CEP192: variants seen among roughly 807,000 people sequenced by gnomAD.
CEP192 encodes the protein centrosomal protein 192, also known as centrosomal protein of 192 kDa.
Under a neutral mutation model 271.8 loss-of-function variants are expected in CEP192, and 151 were observed. The ratio of observed to expected loss-of-function variants is 0.56; its 90% CI spans 0.49 to 0.64. CEP192 has a LOEUF of 0.64. Among genes scored for constraint, CEP192 ranks in the 30% least tolerant of loss-of-function variants. The pLI is 0.00. For synonymous variants in CEP192, 995 were observed against 1,076.5 expected, an observed-to-expected ratio of 0.92 and a Z score of 1.48; for missense variants, 2,910 against 3,020.5, an observed-to-expected ratio of 0.96 and a Z score of 0.86.
intron 13 of CEP192, among the ~76,000 whole-genome samples, chr18:13,039,501 A>G (rs1170763368): frequency 1.3e-5 from 2 of 151,678 alleles, no homozygotes; most frequent in African/African-American, 4.9e-5. Flanking sequence ...AAGAAATAAG[A>G]CTTTTCCCTC....
intron 15 of CEP192, among the ~76,000 whole-genome samples, chr18:13,046,672 A>G (rs2036498688): frequency 6.6e-6 from 1 of 151,990 alleles, no homozygotes; most frequent in Admixed American, 6.5e-5. Context: ...CATTCCAAGG[A>G]TCACAAAATA....
Position 13,100,338 on chromosome 18 carries a change from A to G in CEP192, c.6697A>G (p.Thr2233Ala), listed in dbSNP as rs754446275. Residue 2233 changes from threonine (T) to alanine (A), a missense_variant, in exon 38 of 45, where the codon ACT becomes GCT. Thr to Ala is a moderately conservative substitution (Grantham distance 58, BLOSUM62 0). Coordinates refer to ENST00000506447, the MANE Select transcript of CEP192 (RefSeq NM_032142.4). ...GAAAGTTCAAATTCGAGAAGATTTA[A>G]CTCAAGTGGAACTTTTAACTCGTTT... The part of the protein sequence containing the change: ...IVKVQIREDL[T>A]QVELLTRLTS... 3 of 1,614,074 alleles carry G rather than the reference A, an allele frequency of 1.9e-6. No homozygotes were observed. The highest frequency in any genetic ancestry group is 2.5e-6 in the Non-Finnish European group (3 of 1,179,944).
Position 13,074,119 on chromosome 18 carries a change from G to C in CEP192, c.5616+934G>C, listed in dbSNP as rs112778894. On this transcript the variant is annotated intron_variant, in intron 30 of 44. Coordinates refer to ENST00000506447, the MANE Select transcript of CEP192 (RefSeq NM_032142.4). ...TATAACTGCACAGGTGTTTGGCAGTGGGGCTGGGGCTCAAATTTTTGTTCT... is the reference window on the plus strand; with the variant it reads ...TATAACTGCACAGGTGTTTGGCAGTCGGGCTGGGGCTCAAATTTTTGTTCT... Among the ~76,000 whole-genome samples the C allele has an allele frequency of 2.4e-3, 370 of 152,226 alleles. 1 individual carries two copies. The highest frequency in any genetic ancestry group is 8.7e-3 in the African/African-American group (360 of 41,482).
rs11873197 is a variant in CEP192 at position 13,004,901 on chromosome 18, A to G, written c.290+3319A>G. On this transcript the variant is annotated intron_variant, in intron 3 of 44. Coordinates refer to ENST00000506447, the MANE Select transcript of CEP192 (RefSeq NM_032142.4). Reference sequence around the variant, plus strand: ...GAGGGACAAGGTTGCTGAGGATGTAAGATTGGCCATGTAAGATTGGCTTTA... The same window carrying G: ...GAGGGACAAGGTTGCTGAGGATGTAGGATTGGCCATGTAAGATTGGCTTTA... 8.3e-3 allele frequency among the ~76,000 whole-genome samples: 1,266 copies of G among 152,212 alleles called. 8 individuals are homozygous for G. The highest frequency in any genetic ancestry group is 0.014 in the African/African-American group (586 of 41,524).
At chr18:13,113,853 G>A in intron 41 of CEP192, 148 bp downstream of exon 41, 2 of 842,780 alleles carry the variant, frequency 2.4e-6, no homozygotes, top group Non-Finnish European at 3.6e-6. Flanking sequence ...CATGTTTGAG[G>A]ACTGGATTTG....
At chr18:13,086,394 T>C in intron 30 of CEP192, among the ~76,000 whole-genome samples, 1 of 152,216 alleles carries the variant, frequency 6.6e-6, no homozygotes, top group East Asian at 1.9e-4. Context: ...CCTGATTGCC[T>C]TGGCCAAAAC....
At chr18:13,004,763 G>A (rs1568265578) in intron 3 of CEP192, among the ~76,000 whole-genome samples, 2 of 152,214 alleles carry the variant, frequency 1.3e-5, no homozygotes, top group Non-Finnish European at 2.9e-5. Flanking sequence ...GGCCGTGGGC[G>A]TGACTGTTGA....
chr18:13,054,159 G>C (rs1052031932), intron 18 of CEP192, among the ~76,000 whole-genome samples: 1 of 152,170 alleles, frequency 6.6e-6, no homozygotes, highest in South Asian at 2.1e-4. Flanking sequence ...CACTCCAACA[G>C]CAATGAGGAA....
intron 1 of CEP192, among the ~76,000 whole-genome samples, chr18:12,998,675 A>ATT (rs200488211): frequency 2.0e-5 from 3 of 151,718 alleles, no homozygotes; most frequent in African/African-American, 7.3e-5. Flanking sequence ...ATATCCTCTC[A>ATT]TTTTTTTTAG....
intron 3 of CEP192, among the ~76,000 whole-genome samples, chr18:13,002,550 GTTTAT>G (rs1168892184): frequency 2.6e-5 from 4 of 152,138 alleles, no homozygotes; most frequent in African/African-American, 9.7e-5. Flanking sequence ...GGTAAAAATA[GTTTAT>G]TTTAAAGACC....
chr18:13,012,524 A>G (rs763907394), intron 4 of CEP192, among the ~76,000 whole-genome samples: 5 of 152,152 alleles, frequency 3.3e-5, no homozygotes, highest in Non-Finnish European at 7.4e-5. Flanking sequence ...ATTATCTGAT[A>G]CAGTTGTTCA....
rs2037093261 is a variant in CEP192 at position 13,056,264 on chromosome 18, G to A, written c.3674G>A (p.Cys1225Tyr). The A allele has an allele frequency of 6.2e-7, 1 of 1,613,884 alleles. No individual in the cohort carries two copies. Among genetic ancestry groups the A allele is most frequent in the Non-Finnish European group, 8.5e-7 (1 of 1,179,816 alleles). ...CATCAGACCACCTCTGAAAACCAGTGTACTCCTATTCCCAGCAGCACAGTT... is the reference window on the plus strand; with the variant it reads ...CATCAGACCACCTCTGAAAACCAGTATACTCCTATTCCCAGCAGCACAGTT... Reference protein sequence around the residue: ...VSHQTTSENQCTPIPSSTVHS... With the variant: ...VSHQTTSENQYTPIPSSTVHS... Residue 1225 changes from cysteine (C) to tyrosine (Y), a missense_variant, in exon 19 of 45, where the codon TGT becomes TAT. Cys to Tyr is a radical substitution (Grantham distance 194). Coordinates refer to ENST00000506447, the MANE Select transcript of CEP192 (RefSeq NM_032142.4).
intron 8 of CEP192, 28 bp from the exon 9 acceptor site, chr18:13,019,054 C>T: frequency 6.6e-7 from 1 of 1,512,122 alleles, no homozygotes; most frequent in Non-Finnish European, 8.9e-7. Context: ...TGATGTGGCT[C>T]CTTTAACATT....
At chr18:13,082,756 G>T in intron 30 of CEP192, among the ~76,000 whole-genome samples, 1 of 152,146 alleles carries the variant, frequency 6.6e-6, no homozygotes, top group Non-Finnish European at 1.5e-5. Flanking sequence ...GCAGTGGCTA[G>T]TACCAGTTGT....
intron 9 of CEP192, among the ~76,000 whole-genome samples, chr18:13,020,139 T>A (rs184647949): frequency 1.3e-5 from 2 of 152,278 alleles, no homozygotes; most frequent in East Asian, 3.9e-4. Context: ...AAGTGTACAG[T>A]TCAATAATGT....
chr18:13,041,627 G>A (rs976761950), intron 14 of CEP192, among the ~76,000 whole-genome samples: 14 of 149,602 alleles, frequency 9.4e-5, no homozygotes, highest in Admixed American at 2.0e-4. Flanking sequence ...ACACAGTGGC[G>A]TGATCTCGGC....
chr18:13,099,104 G>A (rs1343541419), intron 36 of CEP192, among the ~76,000 whole-genome samples: 1 of 151,170 alleles, frequency 6.6e-6, no homozygotes, highest in African/African-American at 2.4e-5. Flanking sequence ...CAGGCAGGGA[G>A]GTTGCAGTGA....
At chr18:13,115,077 G>A (rs1598643364) in intron 42 of CEP192, among the ~76,000 whole-genome samples, 1 of 152,146 alleles carries the variant, frequency 6.6e-6, no homozygotes, top group Non-Finnish European at 1.5e-5. Context: ...TATAAATTTA[G>A]TCATTTATTT....
chr18:13,077,115 A>G (rs559354415), intron 30 of CEP192, among the ~76,000 whole-genome samples: 13 of 152,354 alleles, frequency 8.5e-5, no homozygotes, highest in African/African-American at 2.9e-4. Flanking sequence ...AAAAGTCAAG[A>G]TAGTACAAAC....
Sources: allele counts gnomAD v4.1 joint callset (sites outside exome capture counted in the v4.1 genomes callset), GRCh38; gene constraint gnomAD v4.1.1; transcripts MANE v1.5; gene names NCBI Gene and HGNC (gene_info 2026-07-23, HGNC 2026-07-21).